LAMC2: variants seen among roughly 807,000 people sequenced by gnomAD.
LAMC2 encodes laminin subunit gamma 2, also known as laminin subunit gamma-2.
Under a neutral mutation model 140.2 loss-of-function variants are expected in LAMC2, and 97 were observed. The ratio of observed to expected loss-of-function variants is 0.69; its 90% CI spans 0.59 to 0.82. The LOEUF (loss-of-function observed/expected upper bound fraction) is 0.82. Ranked by LOEUF, LAMC2 falls within the 40% of genes least tolerant of loss-of-function variation. The pLI is 0.00. For synonymous variants in LAMC2, 513 were observed against 540.2 expected, an observed-to-expected ratio of 0.95 and a Z score of 0.70; for missense variants, 1,402 against 1,476.1, an observed-to-expected ratio of 0.95 and a Z score of 0.82.
chr1:183,225,472 G>T, intron 7 of LAMC2, 136 bp from the exon 8 acceptor site: 1 of 700,632 alleles, frequency 1.4e-6, no homozygotes, highest in Non-Finnish European at 2.6e-6. Flanking sequence ...TGAAAAGGTG[G>T]CTCTCAGTCC....
At chr1:183,227,012 G>A in intron 9 of LAMC2, 96 bp downstream of exon 9, 1 of 982,072 alleles carries the variant, frequency 1.0e-6, no homozygotes, top group Non-Finnish European at 1.6e-6. Flanking sequence ...CATCAGAGGT[G>A]GGAAAGGATT....
rs375688259 is a variant in LAMC2 at position 183,235,780 on chromosome 1, A to C, written c.2456+50A>C. The stretch of plus-strand genomic sequence containing the variant: ...GGCTCATTATACCTTGGATACTCCC[A>C]GGGCAAAATGCTAACCGTACTTGAG... On this transcript the variant is annotated intron_variant, in intron 16 of 22. Coordinates refer to ENST00000264144, the MANE Select transcript of LAMC2 (RefSeq NM_005562.3). 42 of 1,602,390 alleles carry C rather than the reference A, an allele frequency of 2.6e-5. No homozygotes were observed. In the African/African-American group the frequency reaches 5.2e-4, roughly 20 times the overall value.
chr1:183,249,800 A>G (rs1421710611), downstream of LAMC2: 4 of 151,816 alleles, frequency 2.6e-5, no homozygotes. Context: ...CTTTCTTTTT[A>G]TATTAAATAG....
At chr1:183,191,938 A>T (rs1658349899) in intron 1 of LAMC2, among the ~76,000 whole-genome samples, 1 of 152,202 alleles carries the variant, frequency 6.6e-6, no homozygotes, top group South Asian at 2.1e-4. Flanking sequence ...AATTAAACCT[A>T]GTAGGTGACT....
At chr1:183,210,957 C>G (rs1659049734) in intron 2 of LAMC2, among the ~76,000 whole-genome samples, 1 of 152,210 alleles carries the variant, frequency 6.6e-6, no homozygotes, top group Non-Finnish European at 1.5e-5. Flanking sequence ...CCCAATTAGC[C>G]AGAGGATATT....
intron 2 of LAMC2, among the ~76,000 whole-genome samples, chr1:183,209,265 C>G (rs1202038729): frequency 6.6e-6 from 1 of 152,118 alleles, no homozygotes; most frequent in Non-Finnish European, 1.5e-5. Flanking sequence ...AAGCATACAG[C>G]CTTATTGCAT....
chr1:183,204,987 T>C (rs1020892900), intron 1 of LAMC2, among the ~76,000 whole-genome samples: 5 of 152,278 alleles, frequency 3.3e-5, no homozygotes, highest in African/African-American at 7.2e-5. Flanking sequence ...CACTCCCAGC[T>C]AATTTTTGTA....
At chr1:183,186,913 T>C (rs1658172566) in intron 1 of LAMC2, among the ~76,000 whole-genome samples, 1 of 152,236 alleles carries the variant, frequency 6.6e-6, no homozygotes, top group African/African-American at 2.4e-5. Context: ...AGCAATACCC[T>C]TAACTTTTGC....
chr1:183,198,982 A>C (rs543593655), intron 1 of LAMC2, among the ~76,000 whole-genome samples: 255 of 151,902 alleles, frequency 1.7e-3, no homozygotes, highest in African/African-American at 5.9e-3. Flanking sequence ...GTTTTTTTAC[A>C]CTGAATGTCA....
intron 22 of LAMC2, chr1:183,241,132 C>A: frequency 5.4e-6 from 1 of 184,288 alleles, no homozygotes; most frequent in Non-Finnish European, 1.0e-5. Flanking sequence ...CCTGTAATTC[C>A]AGCTACTCAG....
chr1:183,196,993 T>C (rs1442877482), intron 1 of LAMC2, among the ~76,000 whole-genome samples: 1 of 152,168 alleles, frequency 6.6e-6, no homozygotes, highest in African/African-American at 2.4e-5. Context: ...GTAGGCAATA[T>C]TGAGGAATTC....
At chr1:183,221,070 T>A in intron 5 of LAMC2, 109 bp downstream of exon 5, 1 of 1,059,634 alleles carries the variant, frequency 9.4e-7, no homozygotes, top group East Asian at 2.5e-5. Flanking sequence ...AGAAATTCTC[T>A]TATAGTATTG....
chr1:183,253,836 T>C, the LAMC2 span, among the ~76,000 whole-genome samples: 1 of 152,188 alleles, frequency 6.6e-6, no homozygotes, highest in Non-Finnish European at 1.5e-5. Context: ...GCAGAATGTC[T>C]TCCAGGTCTA....
At chr1:183,234,487 T>A in intron 15 of LAMC2, 41 bp downstream of exon 15, 1 of 1,473,602 alleles carries the variant, frequency 6.8e-7, no homozygotes, top group South Asian at 1.1e-5. Flanking sequence ...AAGCCGTCTC[T>A]GCAAGGCCAG....
At chr1:183,256,803 G>A in the LAMC2 span, among the ~76,000 whole-genome samples, 4 of 152,142 alleles carry the variant, frequency 2.6e-5, no homozygotes, top group Non-Finnish European at 4.4e-5. Context: ...AGGCTGGAGT[G>A]CAGCAGCGCA....
intron 1 of LAMC2, among the ~76,000 whole-genome samples, chr1:183,190,074 T>C (rs10911274): frequency 0.043 from 6,557 of 152,256 alleles, 571 homozygotes; most frequent in East Asian, 0.42. Flanking sequence ...ACTGCCTGGG[T>C]TCAAATCCCA....
intron 1 of LAMC2, among the ~76,000 whole-genome samples, chr1:183,207,452 T>G (rs1055493815): frequency 6.6e-6 from 1 of 152,238 alleles, no homozygotes; most frequent in Non-Finnish European, 1.5e-5. Context: ...CATCGGCTAA[T>G]AGCTGTGCTG....
chr1:183,187,713 G>C (rs1458842412), intron 1 of LAMC2, among the ~76,000 whole-genome samples: 3 of 152,156 alleles, frequency 2.0e-5, no homozygotes, highest in African/African-American at 4.8e-5. Context: ...CCTAATGGAA[G>C]ACATCCCCAA....
In LAMC2 at chr1:183,239,883, A is replaced by G. The variant is rs77640423; in HGVS notation, c.3070-157A>G. 38,797 of 867,742 alleles carry G rather than the reference A, an allele frequency of 0.045. 1,272 individuals carry two copies. Among genetic ancestry groups the G allele is most frequent in the East Asian group, 0.097 (3,851 of 39,778 alleles). 53.8% of individuals were successfully genotyped at this position (867,742 alleles called of 1,614,324 possible). Reference sequence around the variant, plus strand: ...AGCTTGTTTGAGGCAGAGCTTGGCAAAGTACCCCTGTCCCTAAGTCTGATT... The same window carrying G: ...AGCTTGTTTGAGGCAGAGCTTGGCAGAGTACCCCTGTCCCTAAGTCTGATT... On this transcript the variant is annotated intron_variant, in intron 20 of 22. Transcript: ENST00000264144.
Sources: allele counts gnomAD v4.1 joint callset (sites outside exome capture counted in the v4.1 genomes callset), GRCh38; gene constraint gnomAD v4.1.1; transcripts MANE v1.5; gene names NCBI Gene and HGNC (gene_info 2026-07-23, HGNC 2026-07-21).